Variants in PDHX observed in about 807,000 individuals in gnomAD.
PDHX encodes the protein pyruvate dehydrogenase complex component X.
In PDHX, 33 loss-of-function variants were observed where a neutral mutation model predicts 55.3. That is an observed-to-expected ratio of 0.60 (90% CI 0.45 to 0.80). PDHX has a LOEUF of 0.80. Among genes scored for constraint, PDHX ranks in the 30% least tolerant of loss-of-function variants. PDHX has a pLI of 0.00. For synonymous variants in PDHX, 226 were observed against 219.4 expected (o/e 1.03, Z -0.27); for missense variants, 622 against 619.9 (o/e 1.00, Z -0.04).
chr11:34,923,975 A>G (rs1032075083), intron 1 of PDHX, among the ~76,000 whole-genome samples: 1 of 152,216 alleles, frequency 6.6e-6, no homozygotes, highest in African/African-American at 2.4e-5. Context: ...AATAAGGTAA[A>G]GGAGAGAGTA....
At chr11:34,940,891 A>T (rs976648756) in intron 2 of PDHX, among the ~76,000 whole-genome samples, 1 of 152,184 alleles carries the variant, frequency 6.6e-6, no homozygotes, top group Non-Finnish European at 1.5e-5. Context: ...TCAGCTGTTC[A>T]TTCCTTTTGT....
At chr11:34,921,912 T>TA (rs1853890240) in intron 1 of PDHX, among the ~76,000 whole-genome samples, 2 of 152,220 alleles carry the variant, frequency 1.3e-5, no homozygotes, top group Admixed American at 1.3e-4. Context: ...CTAACCATCA[T>TA]AAAAACCCTG....
At chr11:34,942,858 C>T (rs867592751) in intron 2 of PDHX, among the ~76,000 whole-genome samples, 1 of 152,084 alleles carries the variant, frequency 6.6e-6, no homozygotes, top group Non-Finnish European at 1.5e-5. Flanking sequence ...TTCTCTTCTA[C>T]CCTCTCCCTT....
intron 3 of PDHX, among the ~76,000 whole-genome samples, chr11:34,952,122 C>T (rs1249331262): frequency 2.0e-5 from 3 of 151,860 alleles, no homozygotes; most frequent in Non-Finnish European, 4.4e-5. Context: ...GACACATACA[C>T]TCTCCCAAGG....
intron 9 of PDHX, among the ~76,000 whole-genome samples, chr11:34,986,488 C>T (rs933092123): frequency 4.6e-5 from 7 of 151,908 alleles, no homozygotes; most frequent in Non-Finnish European, 8.8e-5. Context: ...GTTGAAACAA[C>T]CTGTAAAATA....
At chr11:34,973,605 T>C (rs1161897650) in intron 7 of PDHX, among the ~76,000 whole-genome samples, 1 of 152,174 alleles carries the variant, frequency 6.6e-6, no homozygotes, top group East Asian at 1.9e-4. Flanking sequence ...ATGTAATTCT[T>C]TAATTTATCA....
At chr11:34,924,926 G>A (rs942434043) in intron 1 of PDHX, among the ~76,000 whole-genome samples, 4 of 151,938 alleles carry the variant, frequency 2.6e-5, no homozygotes, top group East Asian at 1.9e-4. Context: ...GGTCAGTGCC[G>A]CCCTCTGTTT....
intron 5 of PDHX, among the ~76,000 whole-genome samples, chr11:34,962,826 A>G (rs1400149624): frequency 6.6e-6 from 1 of 152,180 alleles, no homozygotes; most frequent in South Asian, 2.1e-4. Context: ...ATGATGCGCA[A>G]ATATCTTTTT....
At chr11:34,949,909 A>T (rs571850594) in intron 3 of PDHX, among the ~76,000 whole-genome samples, 18 of 152,104 alleles carry the variant, frequency 1.2e-4, no homozygotes, top group South Asian at 4.1e-4. Flanking sequence ...CAAAAGTAGA[A>T]TTTTTTCTAA....
At chr11:34,986,291 G>A (rs1169620041) in intron 9 of PDHX, among the ~76,000 whole-genome samples, 2 of 138,326 alleles carry the variant, frequency 1.4e-5, no homozygotes, top group East Asian at 2.1e-4. Flanking sequence ...GGATGACAGA[G>A]CAAGACACTG....
chr11:34,960,385 A>T, intron 4 of PDHX, 35 bp from the exon 5 acceptor site: 2 of 1,295,174 alleles, frequency 1.5e-6, no homozygotes, highest in Non-Finnish European at 2.2e-6. Flanking sequence ...TGTAAGTGTT[A>T]ATTGGTTCTA....
intron 3 of PDHX, among the ~76,000 whole-genome samples, chr11:34,954,440 C>G (rs961112330): frequency 6.6e-6 from 1 of 152,168 alleles, no homozygotes; most frequent in Non-Finnish European, 1.5e-5. Flanking sequence ...GTGAGAATGT[C>G]TCTGGTACAG....
At chr11:34,973,883 T>A (rs1470775901) in intron 7 of PDHX, among the ~76,000 whole-genome samples, 2 of 72,326 alleles carry the variant, frequency 2.8e-5, no homozygotes, top group African/African-American at 1.0e-4. Flanking sequence ...TGCTGTCTGC[T>A]ATTATACTTC....
chr11:34,983,116 A>G (rs1420294921), intron 8 of PDHX, among the ~76,000 whole-genome samples: 1 of 152,196 alleles, frequency 6.6e-6, no homozygotes, highest in Non-Finnish European at 1.5e-5. Context: ...AGGGTGGTTC[A>G]ACATACGAAA....
In PDHX at chr11:34,995,751, C is replaced by A. The variant is rs1855845929; in HGVS notation, c.*579C>A. On this transcript the variant is annotated 3_prime_UTR_variant, in exon 11 of 11. Coordinates refer to ENST00000227868, the MANE Select transcript of PDHX (RefSeq NM_003477.3). ...ATTGAATTTTTTATGTACATAAAGC[C>A]ATATGTTTAGGGTGGTTTCTATCTG... is the stretch of plus-strand genomic sequence containing the variant. The A allele has an allele frequency of 6.5e-6, 1 of 154,604 alleles. No homozygotes were observed. The highest frequency in any genetic ancestry group is 1.9e-4 in the East Asian group (1 of 5,256). The allele number at this position is 154,604 out of a possible 1,614,324, so 9.6% of individuals were successfully genotyped here.
intron 2 of PDHX, among the ~76,000 whole-genome samples, chr11:34,931,823 T>C (rs1854181617): frequency 9.8e-6 from 1 of 101,620 alleles, no homozygotes; most frequent in Non-Finnish European, 1.9e-5. Flanking sequence ...TGTGTGTGTG[T>C]GTGTGTGTGT....
At position 34,984,980 on chromosome 11, in the gene PDHX, G is replaced by A. The variant is rs190727926; in HGVS notation, c.1182+252G>A. The A allele has an allele frequency of 7.0e-4, 279 of 399,318 alleles. 5 individuals are homozygous for A. Among genetic ancestry groups the A allele is most frequent in the Non-Finnish European group, 5.6e-4 (124 of 220,318 alleles). The allele number at this position is 399,318 out of a possible 1,614,324, so 24.7% of individuals were successfully genotyped here. On this transcript the variant is annotated intron_variant, in intron 9 of 10. Coordinates refer to ENST00000227868, the MANE Select transcript of PDHX (RefSeq NM_003477.3). ...TAAACAAATTAGGGAACAACTTCATGCTAAAGACAAGCTTTATTTTCCAAA... is the reference window on the plus strand; with the variant it reads ...TAAACAAATTAGGGAACAACTTCATACTAAAGACAAGCTTTATTTTCCAAA...
chr11:34,934,706 G>A (rs1854265558), intron 2 of PDHX, among the ~76,000 whole-genome samples: 1 of 149,554 alleles, frequency 6.7e-6, no homozygotes, highest in South Asian at 2.1e-4. Flanking sequence ...AGCCTCTTGA[G>A]TAGCTGGGAC....
intron 8 of PDHX, among the ~76,000 whole-genome samples, chr11:34,984,362 T>C (rs1855593926): frequency 6.6e-6 from 1 of 152,192 alleles, no homozygotes; most frequent in Admixed American, 6.5e-5. Flanking sequence ...TCAAACTTGC[T>C]TCAAAAAGGT....
Sources: allele counts gnomAD v4.1 joint callset (sites outside exome capture counted in the v4.1 genomes callset), GRCh38; gene constraint gnomAD v4.1.1; transcripts MANE v1.5; gene names NCBI Gene and HGNC (gene_info 2026-07-23, HGNC 2026-07-21).